CHRDL2: variants seen among roughly 807,000 people sequenced by gnomAD.
The protein encoded by CHRDL2 is chordin-like protein 2.
Under a neutral mutation model 54.3 loss-of-function variants are expected in CHRDL2, and 41 were observed. The observed-to-expected ratio is 0.76, with a 90% CI of 0.59 to 0.98. CHRDL2 has a LOEUF of 0.98. Ranked by LOEUF, CHRDL2 falls within the 50% of genes least tolerant of loss-of-function variation. CHRDL2 has a pLI of 0.00. For synonymous variants in CHRDL2, 220 were observed against 224.3 expected, an observed-to-expected ratio of 0.98 and a Z score of 0.17; for missense variants, 518 against 562.4, an observed-to-expected ratio of 0.92 and a Z score of 0.80.
At chr11:74,721,077 C>T (rs1321070827) in intron 1 of CHRDL2, among the ~76,000 whole-genome samples, 1 of 152,214 alleles carries the variant, frequency 6.6e-6, no homozygotes, top group African/African-American at 2.4e-5. Context: ...CTCACATTCC[C>T]AGCAAGCCAG....
At chr11:74,700,918 C>T (rs1161445012) in intron 9 of CHRDL2, 1 of 152,166 alleles carries the variant, frequency 6.6e-6, no homozygotes, top group Non-Finnish European at 1.5e-5. Flanking sequence ...AGGTGTGAGC[C>T]ACCAGGCCCA....
intron 7 of CHRDL2, 93 bp downstream of exon 7, chr11:74,704,393 G>A: frequency 8.0e-7 from 1 of 1,244,912 alleles, no homozygotes; most frequent in Non-Finnish European, 1.1e-6. Context: ...GGGAACTGCT[G>A]AGGAGAGGGT....
In CHRDL2 at chr11:74,701,249, A is replaced by C. The variant is rs550307102; in HGVS notation, c.1120+1545T>G. 2.1e-5 allele frequency: 5 copies of C among 241,114 alleles called. No individual in the cohort carries two copies. In the Middle Eastern group the frequency reaches 6.3e-3, roughly 301 times the overall value. The allele number at this position is 241,114 out of a possible 1,614,324, so 14.9% of individuals were successfully genotyped here. On this transcript the variant is annotated intron_variant, in intron 9 of 10. Coordinates refer to ENST00000376332, the MANE Select transcript of CHRDL2 (RefSeq NM_001278473.3). ...AAAAACCCTCTTCCCCACTCTACAGAAGAGAAAACTGAGGCCCAGAGAGAT... is the reference window on the plus strand; with the variant it reads ...AAAAACCCTCTTCCCCACTCTACAGCAGAGAAAACTGAGGCCCAGAGAGAT...
At chr11:74,721,365 C>T (rs1192881393) in intron 1 of CHRDL2, among the ~76,000 whole-genome samples, 2 of 152,242 alleles carry the variant, frequency 1.3e-5, no homozygotes, top group African/African-American at 2.4e-5. Flanking sequence ...GTTGGCACCC[C>T]CTTCACCTCA....
chr11:74,724,726 G>A (rs2034545582), intron 1 of CHRDL2, among the ~76,000 whole-genome samples: 1 of 152,162 alleles, frequency 6.6e-6, no homozygotes, highest in Non-Finnish European at 1.5e-5. Flanking sequence ...CCAGCCACTG[G>A]CCTTTCCTGC....
In CHRDL2 at chr11:74,721,560, T is replaced by C. The variant is rs1249197753; in HGVS notation, c.83-2728A>G. Among the ~76,000 whole-genome samples the C allele has an allele frequency of 4.6e-5, 7 of 152,218 alleles. No individual in the cohort carries two copies. The South Asian group carries it at 1.4e-3, about 31-fold the overall frequency. On this transcript the variant is annotated intron_variant, in intron 1 of 10. Transcript: ENST00000376332. ...GTGACAGGCACAAGGAAGGGTGGCA[T>C]GGCCTGGAGCTCTCTCTTCCTCAAG...
rs61730072 is a variant in CHRDL2 at position 74,703,468 on chromosome 11, G to A, written c.783C>T (p.His261=). 2.8e-4 allele frequency: 446 copies of A among 1,608,584 alleles called. 1 individual carries two copies. The African/African-American group carries it at 4.1e-3, about 15-fold the overall frequency. ...ACVHGGKTYS[H]GEVWHPAFRA... is the part of the protein sequence containing the mutation. The stretch of plus-strand genomic sequence containing the variant: ...GGAAGGCCGGGTGCCACACCTCCCC[G>A]TGGGAGTACGTCTTCCCGCCATGCA... Residue 261 remains histidine (H), a synonymous_variant, in exon 8 of 11, where the codon CAC becomes CAT. Coordinates refer to ENST00000376332, the MANE Select transcript of CHRDL2 (RefSeq NM_001278473.3).
intron 5 of CHRDL2, 30 bp downstream of exon 5, chr11:74,708,272 G>A: frequency 1.4e-6 from 2 of 1,471,742 alleles, no homozygotes; most frequent in Non-Finnish European, 1.8e-6. Context: ...AGGGGTGGGT[G>A]AGTGCTGCCA....
rs767196551 is a variant in CHRDL2, at chr11:74,713,391, C to T, written c.284G>A (p.Cys95Tyr). Reference sequence around the variant, plus strand: ...GGAGGAGCATGGCTACTTACCCACACACTTGGGACAGCATTGCTGTGGCTC... The same window carrying T: ...GGAGGAGCATGGCTACTTACCCACATACTTGGGACAGCATTGCTGTGGCTC... The part of the protein sequence containing the change: ...VTEPQQCCPK[C>Y]VEPHTPSGLR... The change falls in exon 3 of 11, where the codon TGT becomes TAT. Residue 95 changes from cysteine to tyrosine, a missense_variant. By Grantham distance (194) the Cys-to-Tyr change is radical. Coordinates refer to ENST00000376332, the MANE Select transcript of CHRDL2 (RefSeq NM_001278473.3). The T allele has an allele frequency of 1.2e-6, 2 of 1,613,874 alleles. No homozygotes were observed. The highest frequency in any genetic ancestry group is 1.1e-5 in the South Asian group (1 of 91,056).
intron 1 of CHRDL2, among the ~76,000 whole-genome samples, chr11:74,726,973 T>A (rs1332985774): frequency 6.6e-6 from 1 of 152,176 alleles, no homozygotes; most frequent in Non-Finnish European, 1.5e-5. Context: ...CACTTTTTTC[T>A]GGTGTCTGAG....
chr11:74,730,260 A>T (rs1303129572), intron 1 of CHRDL2, among the ~76,000 whole-genome samples: 1 of 152,084 alleles, frequency 6.6e-6, no homozygotes, highest in Non-Finnish European at 1.5e-5. Flanking sequence ...CTGGAACTAG[A>T]GTTCTGGCTT....
chr11:74,715,208 C>T (rs1021859430), intron 2 of CHRDL2, among the ~76,000 whole-genome samples: 1 of 152,218 alleles, frequency 6.6e-6, no homozygotes. Flanking sequence ...TGCAGGTCTA[C>T]TGGGTGCCAG....
In CHRDL2 at chr11:74,713,453, G is replaced by A. The variant is rs576168192; in HGVS notation, c.222C>T (p.Leu74=). The change falls in exon 3 of 11, where the codon CTC becomes CTT. Residue 74 remains leucine (L), a synonymous_variant. Transcript: ENST00000376332. The stretch of plus-strand genomic sequence containing the variant: ...GGGGGCAGTGGACAGGCGGACAGTG[G>A]AGGCGGTAACAACTCACATGGGCGC... ...SEGAHVSCYR[L]HCPPVHCPQP... 4 of 1,614,184 alleles carry A rather than the reference G, an allele frequency of 2.5e-6. No individual in the cohort carries two copies. The highest frequency in any genetic ancestry group is 1.1e-5 in the South Asian group (1 of 91,084).
intron 3 of CHRDL2, among the ~76,000 whole-genome samples, chr11:74,712,785 C>G (rs112065721): frequency 5.3e-4 from 80 of 152,310 alleles, no homozygotes; most frequent in African/African-American, 1.8e-3. Context: ...TCACTGGACA[C>G]TTGGTTTTGC....
At chr11:74,718,920 A>G in intron 1 of CHRDL2, 88 bp from the exon 2 acceptor site, 1 of 822,548 alleles carries the variant, frequency 1.2e-6, no homozygotes, top group Admixed American at 2.5e-5. Flanking sequence ...GCTCTAAAAG[A>G]GATGTCATCT....
intron 1 of CHRDL2, among the ~76,000 whole-genome samples, chr11:74,725,873 C>T (rs1029530416): frequency 6.6e-6 from 1 of 152,176 alleles, no homozygotes; most frequent in Non-Finnish European, 1.5e-5. Flanking sequence ...CCCTCACACC[C>T]ACACAGCCAT....
chr11:74,725,291 C>T (rs1591371497), intron 1 of CHRDL2, among the ~76,000 whole-genome samples: 1 of 152,326 alleles, frequency 6.6e-6, no homozygotes, highest in East Asian at 1.9e-4. Context: ...ACGCCCAGCC[C>T]TGGAAGCCTC....
At chr11:74,729,317 TAC>T (rs2034617627) in intron 1 of CHRDL2, among the ~76,000 whole-genome samples, 1 of 152,250 alleles carries the variant, frequency 6.6e-6, no homozygotes, top group Non-Finnish European at 1.5e-5. Context: ...ATTTATTAAG[TAC>T]ACAGCATTGT....
intron 2 of CHRDL2, among the ~76,000 whole-genome samples, chr11:74,718,226 G>A (rs2034411918): frequency 1.3e-5 from 2 of 152,214 alleles, no homozygotes; most frequent in African/African-American, 4.8e-5. Flanking sequence ...AGAAACTTAT[G>A]TGGGATCCCA....
Sources: allele counts gnomAD v4.1 joint callset (sites outside exome capture counted in the v4.1 genomes callset), GRCh38; gene constraint gnomAD v4.1.1; transcripts MANE v1.5; gene names NCBI Gene and HGNC (gene_info 2026-07-23, HGNC 2026-07-21).